POLA1: variants seen among roughly 807,000 people sequenced by gnomAD.
POLA1 encodes DNA polymerase alpha 1, catalytic subunit.
POLA1 carries 15 observed loss-of-function variants against 124.0 expected under a neutral mutation model. That is an observed-to-expected ratio of 0.12 (90% CI 0.08 to 0.19). The LOEUF (loss-of-function observed/expected upper bound fraction) is 0.19, where lower values mean the gene tolerates loss of function less well. POLA1 is among the 10% of genes least tolerant of loss of function. POLA1 has a pLI of 1.00. For missense variants in POLA1, 886 were observed against 1,103.4 expected, an observed-to-expected ratio of 0.80 and a Z score of 2.79; for synonymous variants, 408 against 389.4, an observed-to-expected ratio of 1.05 and a Z score of -0.56.
At chrX:24,770,737 G>A (rs1386669790) in intron 26 of POLA1, among the ~76,000 whole-genome samples, 1 of 110,983 alleles carries the variant, frequency 9.0e-6, no homozygotes, top group Admixed American at 9.6e-5. Flanking sequence ...TTCCAACTCA[G>A]CTACTAATTT....
chrX:24,811,358 C>T (rs1296613291), intron 28 of POLA1, among the ~76,000 whole-genome samples: 5 of 109,507 alleles, frequency 4.6e-5, no homozygotes, highest in African/African-American at 6.7e-5. Context: ...CTGCAACCTC[C>T]GACTCCCTGC....
intron 36 of POLA1, among the ~76,000 whole-genome samples, chrX:24,969,834 C>T (rs953701329): frequency 9.0e-6 from 1 of 110,603 alleles, no homozygotes; most frequent in Non-Finnish European, 1.9e-5. Context: ...TCTGACAGCC[C>T]CTCCCCCCAC....
chrX:24,871,012 A>AG (rs1363707885), intron 34 of POLA1, among the ~76,000 whole-genome samples: 2 of 111,658 alleles, frequency 1.8e-5, no homozygotes, highest in Admixed American at 9.5e-5. Flanking sequence ...AAGTATTCAG[A>AG]GGGGAATAAG....
rs189925277 is a variant in POLA1 at position 24,852,323 on chromosome X, T to C, written c.4047+8646T>C. Among the ~76,000 whole-genome samples, 260 of 110,398 alleles carry C rather than the reference T, an allele frequency of 2.4e-3. 4 individuals are homozygous for C. The highest frequency in any genetic ancestry group is 0.021 in the Admixed American group (214 of 10,355). ...TGACCTTAGCTTGCTTTTTTTTTTT[T>C]CTTTGAGACAGAGTTTCGCTCTTGT... On this transcript the variant is annotated intron_variant, in intron 34 of 36. Coordinates refer to ENST00000379068, the MANE Select transcript of POLA1 (RefSeq NM_001330360.2).
chrX:24,974,028 T>TA (rs1423036648), intron 36 of POLA1, among the ~76,000 whole-genome samples: 1 of 109,750 alleles, frequency 9.1e-6, no homozygotes, highest in Non-Finnish European at 1.9e-5. Context: ...TTTTGTTTTC[T>TA]AAAAAATAGT....
chrX:24,758,582 TG>T (rs1387408976), intron 26 of POLA1, among the ~76,000 whole-genome samples: 1 of 112,722 alleles, frequency 8.9e-6, no homozygotes. Flanking sequence ...AAATCTTGCC[TG>T]GGGTCTGTGA....
At chrX:24,826,067 T>C (rs1026610550) in intron 31 of POLA1, among the ~76,000 whole-genome samples, 3 of 112,400 alleles carry the variant, frequency 2.7e-5, no homozygotes, top group Non-Finnish European at 5.6e-5. Flanking sequence ...TAAAAAGCCT[T>C]TCTGGCTACA....
intron 35 of POLA1, among the ~76,000 whole-genome samples, chrX:24,919,573 G>C (rs899931864): frequency 6.3e-5 from 7 of 111,203 alleles, no homozygotes; most frequent in Non-Finnish European, 1.3e-4. Flanking sequence ...ACGTATTCAA[G>C]TATATACATA....
At chrX:24,817,605 C>T (rs1361910994) in intron 30 of POLA1, among the ~76,000 whole-genome samples, 5 of 80,416 alleles carry the variant, frequency 6.2e-5, no homozygotes, top group African/African-American at 2.2e-4. Flanking sequence ...AAGATTCCAT[C>T]TCAAAAAAAA....
chrX:24,760,594 CAA>C (rs1034437737), intron 26 of POLA1, among the ~76,000 whole-genome samples: 12 of 112,064 alleles, frequency 1.1e-4, no homozygotes, highest in Non-Finnish European at 2.3e-4. Flanking sequence ...ATTTAGAAAA[CAA>C]AACAAGCTCA....
chrX:24,894,886 A>C (rs2047188332), intron 35 of POLA1, among the ~76,000 whole-genome samples: 1 of 108,182 alleles, frequency 9.2e-6, no homozygotes, highest in African/African-American at 3.4e-5. Context: ...TCCTGGGCTT[A>C]AGTGATCCTC....
At chrX:24,960,511 T>C (rs1199289896) in intron 36 of POLA1, among the ~76,000 whole-genome samples, 2 of 111,578 alleles carry the variant, frequency 1.8e-5, no homozygotes, top group Non-Finnish European at 3.8e-5. Context: ...AAAGATTCGA[T>C]GGAAAGCTAC....
At chrX:24,946,212 A>G (rs762513556) in intron 36 of POLA1, among the ~76,000 whole-genome samples, 11 of 110,985 alleles carry the variant, frequency 9.9e-5, no homozygotes, top group Non-Finnish European at 1.5e-4. Flanking sequence ...GTCCTCTTCT[A>G]CTTACCTTGA....
At chrX:24,949,932 C>T (rs1318114275) in intron 36 of POLA1, among the ~76,000 whole-genome samples, 1 of 109,612 alleles carries the variant, frequency 9.1e-6, no homozygotes, top group African/African-American at 3.3e-5. Flanking sequence ...CGGGGGATCA[C>T]CATGTTGGCC....
intron 36 of POLA1, among the ~76,000 whole-genome samples, chrX:24,970,212 T>A (rs1325392588): frequency 8.9e-6 from 1 of 112,153 alleles, no homozygotes; most frequent in Non-Finnish European, 1.9e-5. Context: ...GGGAAAAGGA[T>A]TCCCTATTTA....
At position 24,810,766 on chromosome X, in the gene POLA1, C is replaced by G; in HGVS notation, c.3056C>G (p.Thr1019Ser). 1 of 1,086,357 alleles carries G rather than the reference C, an allele frequency of 9.2e-7. No individual in the cohort carries two copies. The highest frequency in any genetic ancestry group is 1.3e-6 in the Non-Finnish European group (1 of 788,957). The allele number at this position is 1,086,357 out of a possible 1,213,427, so 89.5% of individuals were successfully genotyped here. A position where few individuals can be genotyped will look rare whatever the true frequency, so the allele number is the denominator to read the frequency against. The change falls in exon 28 of 37, where the codon ACC (threonine) becomes AGC (serine). Residue 1019 changes from threonine (T) to serine (S), a missense_variant. Coordinates refer to ENST00000379068, the MANE Select transcript of POLA1 (RefSeq NM_001330360.2). ...TCAATTATGATAAACACCAATAGCA[C>G]CAATCTGGAAGAAGTATTTAAGTTG... is the stretch of plus-strand genomic sequence containing the variant. Reference protein sequence around the residue: ...TDSIMINTNSTNLEEVFKLGN... With the variant: ...TDSIMINTNSSNLEEVFKLGN...
intron 26 of POLA1, among the ~76,000 whole-genome samples, chrX:24,804,840 A>G (rs1379355179): frequency 1.8e-5 from 2 of 111,981 alleles, no homozygotes; most frequent in Non-Finnish European, 3.8e-5. Flanking sequence ...CAAGATACAA[A>G]GACTCAGGTG....
intron 36 of POLA1, among the ~76,000 whole-genome samples, chrX:24,981,175 G>T (rs7058990): frequency 0.04 from 4,494 of 112,184 alleles, 223 homozygotes; most frequent in African/African-American, 0.14. Context: ...TTGTTGTTGT[G>T]GTTGATGATT....
At chrX:24,860,563 G>C (rs979858343) in intron 34 of POLA1, among the ~76,000 whole-genome samples, 2 of 112,460 alleles carry the variant, frequency 1.8e-5, no homozygotes, top group Admixed American at 1.9e-4. Flanking sequence ...TGAGTATGTG[G>C]TACAGAATTA....
Sources: gnomAD v4.1 joint callset for allele counts (sites outside exome capture counted in the v4.1 genomes callset) on GRCh38, gnomAD v4.1.1 for gene constraint, MANE v1.5 for transcripts, NCBI Gene and HGNC (gene_info 2026-07-23, HGNC 2026-07-21) for gene names.